Variants in WFS1 observed in about 807,000 individuals in gnomAD.
WFS1 encodes the protein wolframin ER transmembrane glycoprotein.
Under a neutral mutation model 68.5 loss-of-function variants are expected in WFS1, and 90 were observed. The observed-to-expected ratio is 1.31, with a 90% CI of 1.11 to 1.56. WFS1 has a LOEUF of 1.56. Ranked by LOEUF, WFS1 falls within the 40% of genes most tolerant of loss-of-function variation. The pLI, the probability that WFS1 is intolerant of heterozygous loss-of-function variation, is 0.00. For synonymous variants in WFS1, 860 were observed against 540.7 expected (o/e 1.59, Z -8.19); for missense variants, 1,767 against 1,232.6 (o/e 1.43, Z -6.49).
intron 6 of WFS1, 59 bp downstream of exon 6, chr4:6,292,056 C>T: frequency 2.0e-6 from 3 of 1,501,792 alleles, no homozygotes; most frequent in South Asian, 1.2e-5. Context: ...TGCAGGGCGA[C>T]CTCTCCTTCC....
intron 4 of WFS1, 49 bp from the exon 5 acceptor site, chr4:6,291,148 A>G (rs1249684174): frequency 6.2e-7 from 1 of 1,604,450 alleles, no homozygotes. Context: ...AGTGGCACCG[A>G]AAGCCTAGGC....
Position 6,295,151 on chromosome 4 carries a change from G to T in WFS1, c.823G>T (p.Ala275Ser). 1 of 1,612,548 alleles carries T rather than the reference G, an allele frequency of 6.2e-7. No homozygotes were observed. The highest frequency in any genetic ancestry group is 1.1e-5 in the South Asian group (1 of 91,072). The part of the protein sequence containing the change: ...LQDDEDDDEL[A>S]GKSPEDLPLR... ...GGACGACGAAGATGATGACGAGCTG[G>T]CGGGGAAGAGCCCTGAGGACCTGCC... The change falls in exon 7 of 8, where the codon GCG becomes TCG. Residue 275 changes from alanine to serine, a missense_variant. By Grantham distance (99) the Ala-to-Ser change is moderately conservative. Transcript: ENST00000226760.
chr4:6,300,038 C>T (rs1007900995), intron 7 of WFS1, among the ~76,000 whole-genome samples: 5 of 152,016 alleles, frequency 3.3e-5, no homozygotes, highest in Non-Finnish European at 7.4e-5. Flanking sequence ...ATAGGGAGGG[C>T]AGCTCACCCG....
intron 6 of WFS1, among the ~76,000 whole-genome samples, chr4:6,292,509 C>G (rs1471544079): frequency 6.6e-6 from 1 of 152,096 alleles, no homozygotes. Flanking sequence ...GATAGAGTCT[C>G]TGGGGCACAC....
chr4:6,285,032 G>C (rs1256143936), intron 2 of WFS1, among the ~76,000 whole-genome samples: 1 of 151,774 alleles, frequency 6.6e-6, no homozygotes, highest in Admixed American at 6.6e-5. Context: ...GGAGCACCAA[G>C]GTCTGGGGGC....
chr4:6,288,504 C>T, intron 3 of WFS1: 1 of 241,334 alleles, frequency 4.1e-6, no homozygotes, highest in South Asian at 6.1e-5. Flanking sequence ...GCAGCATGGA[C>T]AACATGTAAA....
intron 1 of WFS1, among the ~76,000 whole-genome samples, chr4:6,275,849 C>T (rs1729978209): frequency 6.6e-6 from 1 of 152,226 alleles, no homozygotes; most frequent in Non-Finnish European, 1.5e-5. Context: ...CCTACTCAGA[C>T]CTGGCTGCTC....
chr4:6,276,251 C>T (rs567280730), intron 1 of WFS1, among the ~76,000 whole-genome samples: 14 of 152,320 alleles, frequency 9.2e-5, no homozygotes, highest in African/African-American at 1.9e-4. Flanking sequence ...AGGGCCCATC[C>T]GGGTCCGGGG....
At chr4:6,280,385 TG>T (rs778319179) in intron 2 of WFS1, among the ~76,000 whole-genome samples, 1 of 152,136 alleles carries the variant, frequency 6.6e-6, no homozygotes, top group Non-Finnish European at 1.5e-5. Context: ...TCTCCAGCCC[TG>T]GGGGGATCTG....
chr4:6,291,629 A>G (rs1342107974), intron 5 of WFS1, among the ~76,000 whole-genome samples: 1 of 152,168 alleles, frequency 6.6e-6, no homozygotes, highest in Non-Finnish European at 1.5e-5. Flanking sequence ...CTCATTGAAT[A>G]AACCAGAGGG....
At chr4:6,293,871 G>A (rs556918792) in intron 6 of WFS1, among the ~76,000 whole-genome samples, 48 of 152,256 alleles carry the variant, frequency 3.2e-4, no homozygotes, top group African/African-American at 1.1e-3. Context: ...GCCCGCCCAG[G>A]CTGCATCCAG....
intron 7 of WFS1, among the ~76,000 whole-genome samples, chr4:6,297,876 C>T (rs184743997): frequency 1.3e-5 from 2 of 152,256 alleles, no homozygotes; most frequent in African/African-American, 4.8e-5. Flanking sequence ...GAAATTGGGG[C>T]TTTAAAAAGG....
At chr4:6,280,550 C>T (rs1031633522) in intron 2 of WFS1, among the ~76,000 whole-genome samples, 1 of 152,162 alleles carries the variant, frequency 6.6e-6, no homozygotes, top group Non-Finnish European at 1.5e-5. Flanking sequence ...CTGTTCTGGG[C>T]CTGTTCTGTT....
chr4:6,302,745 C>G lies in WFS1; in HGVS notation c.*277C>G. 1.8e-6 allele frequency: 1 copy of G among 560,436 alleles called. No individual in the cohort carries two copies. The highest frequency in any genetic ancestry group is 2.2e-5 in the South Asian group (1 of 44,668). 34.7% of individuals were successfully genotyped at this position (560,436 alleles called of 1,614,324 possible). A position where few individuals can be genotyped will look rare whatever the true frequency, so the allele number is the denominator to read the frequency against. On this transcript the variant is annotated 3_prime_UTR_variant, in exon 8 of 8. Transcript: ENST00000226760. ...AGTGACATGGGTGTGCCAGGCTAGA[C>G]TAGGAGGTTCCGGTGTCTGGAAAAG...
chr4:6,291,024 G>GTGGCAGGGGCA lies in WFS1; in HGVS notation c.461-169_461-168insAGGGGCATGGC, dbSNP rs6148286. 0.066 allele frequency among the ~76,000 whole-genome samples: 1,666 copies of GTGGCAGGGGCA among 25,286 alleles called. 36 individuals carry two copies. Among genetic ancestry groups the GTGGCAGGGGCA allele is most frequent in the African/African-American group, 0.18 (1,486 of 8,096 alleles). 16.6% of individuals were successfully genotyped at this position (25,286 alleles called of 152,430 possible). Reference sequence around the variant, plus strand: ...CTGGCCTCCCAGCTGGAGAGTGGGCGTGGCGCGATGTCCTCTTGAGTCAGA... The same window carrying GTGGCAGGGGCA: ...CTGGCCTCCCAGCTGGAGAGTGGGCGTGGCAGGGGCATGGCGCGATGTCCTCTTGAGTCAGA... On this transcript the variant is annotated intron_variant, in intron 4 of 7. Transcript: ENST00000226760.
rs539942358 is a variant in WFS1, at chr4:6,302,561, TGTGCCCACGTGTGCAGA to T, written c.*94_*110del. 119 of 1,547,768 alleles carry T rather than the reference TGTGCCCACGTGTGCAGA, an allele frequency of 7.7e-5. No homozygotes were observed. The African/African-American group carries it at 1.4e-3, about 19-fold the overall frequency. On this transcript the variant is annotated 3_prime_UTR_variant, in exon 8 of 8. Transcript: ENST00000226760. Reference sequence around the variant, plus strand: ...CCGACAGGCATGCACCAGTGCCGCCTGTGCCCACGTGTGCAGACTGTGGCTGCAGAGACCTTGCGACC... The same window carrying T: ...CCGACAGGCATGCACCAGTGCCGCCTCTGTGGCTGCAGAGACCTTGCGACC...
chr4:6,282,018 A>C (rs1730182537), intron 2 of WFS1, among the ~76,000 whole-genome samples: 1 of 152,154 alleles, frequency 6.6e-6, no homozygotes, highest in Admixed American at 6.5e-5. Context: ...TCATGGGTGG[A>C]CGTGCTCGTT....
intron 1 of WFS1, among the ~76,000 whole-genome samples, chr4:6,272,048 C>G (rs557732446): frequency 7.3e-4 from 111 of 152,364 alleles, no homozygotes; most frequent in African/African-American, 2.6e-3. Flanking sequence ...CTGGCTCCTG[C>G]CTGCTTGTCC....
In WFS1 at chr4:6,293,651, C is replaced by G. The variant is rs149190688; in HGVS notation, c.713-1390C>G. 3.3e-5 allele frequency among the ~76,000 whole-genome samples: 5 copies of G among 152,340 alleles called. No individual in the cohort carries two copies. In the East Asian group the frequency reaches 5.8e-4, roughly 18 times the overall value. On this transcript the variant is annotated intron_variant, in intron 6 of 7. Transcript: ENST00000226760. The stretch of plus-strand genomic sequence containing the variant: ...CAGGCCCGGGGCCCTTGCTGCCACA[C>G]TGGCTGCTCCTTCTTGGGGTCCCTA...
Sources: gnomAD v4.1 joint callset for allele counts (sites outside exome capture counted in the v4.1 genomes callset) on GRCh38, gnomAD v4.1.1 for gene constraint, MANE v1.5 for transcripts, NCBI Gene and HGNC (gene_info 2026-07-23, HGNC 2026-07-21) for gene names.